NEDD4: variants seen among roughly 807,000 people sequenced by gnomAD.
The protein encoded by NEDD4 is NEDD4 E3 ubiquitin protein ligase.
Under a neutral mutation model 144.9 loss-of-function variants are expected in NEDD4, and 99 were observed. The observed-to-expected ratio is 0.68, with a 90% CI of 0.58 to 0.81. The LOEUF is 0.81. Ranked by LOEUF, NEDD4 falls within the 30% of genes least tolerant of loss-of-function variation. The pLI is 0.00. For synonymous variants in NEDD4, 318 were observed against 350.6 expected (o/e 0.91, Z 1.04); for missense variants, 985 against 1,065.9 (o/e 0.92, Z 1.06).
rs2034022766 is a variant in NEDD4, at chr15:55,852,461, T to C, written c.1109A>G (p.Asn370Ser). The change falls in exon 13 of 29, where the codon AAT (asparagine) becomes AGT (serine). Residue 370 changes from asparagine to serine, a missense_variant. By Grantham distance (46) the Asn-to-Ser change is conservative. Coordinates refer to ENST00000435532, the MANE Select transcript of NEDD4 (RefSeq NM_006154.4). ...CTTTGTCCAAGTAGTCGTTCTGGAA[T>C]TGTGATCTACATAATATGATCTTCC... Reference protein sequence around the residue: ...ERGRSYYVDHNSRTTTWTKPT... With the variant: ...ERGRSYYVDHSSRTTTWTKPT... The C allele has an allele frequency of 1.2e-6, 2 of 1,612,822 alleles. No homozygotes were observed. The highest frequency in any genetic ancestry group is 2.7e-5 in the African/African-American group (2 of 74,810).
At chr15:55,928,858 G>C (rs1321458643) in intron 4 of NEDD4, among the ~76,000 whole-genome samples, 1 of 152,072 alleles carries the variant, frequency 6.6e-6, no homozygotes. Context: ...TTGTATTTCA[G>C]AAGCATATAA....
intron 18 of NEDD4, 102 bp from the exon 19 acceptor site, chr15:55,842,265 G>A (rs2033548669): frequency 1.1e-6 from 1 of 950,508 alleles, no homozygotes; most frequent in Non-Finnish European, 1.6e-6. Flanking sequence ...CTGTGTCCAA[G>A]TCTCTTTTTC....
At chr15:55,963,252 C>A (rs569657335) in intron 2 of NEDD4, among the ~76,000 whole-genome samples, 2 of 151,936 alleles carry the variant, frequency 1.3e-5, no homozygotes, top group African/African-American at 4.8e-5. Flanking sequence ...CAACCTCAGC[C>A]TCCTTTGTAG....
intron 18 of NEDD4, among the ~76,000 whole-genome samples, chr15:55,846,470 G>C (rs1336283907): frequency 6.6e-6 from 1 of 152,140 alleles, no homozygotes; most frequent in Non-Finnish European, 1.5e-5. Flanking sequence ...TAACTGATAA[G>C]CATAAGGAGA....
chr15:55,889,955 G>C (rs942473452), intron 5 of NEDD4, among the ~76,000 whole-genome samples: 5 of 151,880 alleles, frequency 3.3e-5, no homozygotes, highest in Non-Finnish European at 5.9e-5. Flanking sequence ...TGCCCACATC[G>C]GCCTCCCAAA....
chr15:55,943,347 C>A lies in NEDD4; in HGVS notation c.237+8029G>T, dbSNP rs182896219. Among the ~76,000 whole-genome samples, 6 of 152,288 alleles carry A rather than the reference C, an allele frequency of 3.9e-5. No homozygotes were observed. In the East Asian group the frequency reaches 1.2e-3, roughly 29 times the overall value. On this transcript the variant is annotated intron_variant, in intron 4 of 28. Coordinates refer to ENST00000435532, the MANE Select transcript of NEDD4 (RefSeq NM_006154.4). ...GAATGCATTTTAGAGATCTTTGTGG[C>A]AGCTCCTCCTATCACAGCCCCAGAG... is the stretch of plus-strand genomic sequence containing the variant.
intron 12 of NEDD4, among the ~76,000 whole-genome samples, chr15:55,855,638 A>C (rs1266880687): frequency 1.2e-4 from 18 of 152,222 alleles, no homozygotes; most frequent in Admixed American, 1.2e-3. Flanking sequence ...AGGAAGCAGA[A>C]GGCCTTAGTA....
At chr15:55,853,444 G>A (rs2034072204) in intron 12 of NEDD4, among the ~76,000 whole-genome samples, 2 of 152,170 alleles carry the variant, frequency 1.3e-5, no homozygotes, top group Admixed American at 6.5e-5. Flanking sequence ...CAATATGGAA[G>A]TAACTTGTTA....
intron 24 of NEDD4, 122 bp from the exon 25 acceptor site, chr15:55,834,408 C>A: frequency 1.6e-6 from 1 of 636,824 alleles, no homozygotes; most frequent in South Asian, 1.9e-5. Flanking sequence ...TACACAATCA[C>A]GGGCTCTTCA....
At chr15:55,929,173 T>C (rs2036733382) in intron 4 of NEDD4, among the ~76,000 whole-genome samples, 1 of 152,142 alleles carries the variant, frequency 6.6e-6, no homozygotes, top group South Asian at 2.1e-4. Flanking sequence ...GCAACTGCCC[T>C]AATGACAGAA....
At chr15:55,972,001 T>C (rs1210245430) in intron 1 of NEDD4, among the ~76,000 whole-genome samples, 15 of 152,194 alleles carry the variant, frequency 9.9e-5, no homozygotes, top group African/African-American at 3.1e-4. Flanking sequence ...AAAAAATTTT[T>C]ATTGTAGAAT....
intron 5 of NEDD4, among the ~76,000 whole-genome samples, chr15:55,898,302 G>A (rs1214384635): frequency 6.6e-6 from 1 of 152,144 alleles, no homozygotes; most frequent in Non-Finnish European, 1.5e-5. Context: ...ATTTTCAAAG[G>A]TAAATGAATC....
chr15:55,977,470 G>A (rs531071827), intron 1 of NEDD4, among the ~76,000 whole-genome samples: 7 of 152,212 alleles, frequency 4.6e-5, no homozygotes, highest in African/African-American at 1.2e-4. Context: ...GAATGTATCC[G>A]TTGTTAAGCA....
chr15:55,973,602 A>G (rs533994748), intron 1 of NEDD4, among the ~76,000 whole-genome samples: 1 of 151,614 alleles, frequency 6.6e-6, no homozygotes, highest in African/African-American at 2.4e-5. Context: ...ACAGAATAAC[A>G]CTAGAAATCA....
intron 2 of NEDD4, among the ~76,000 whole-genome samples, chr15:55,965,689 T>C (rs1216889478): frequency 6.6e-6 from 1 of 152,028 alleles, no homozygotes. Context: ...TATGTATGTA[T>C]GCATGCATGT....
At chr15:55,962,130 A>C (rs949199850) in intron 2 of NEDD4, among the ~76,000 whole-genome samples, 4 of 152,136 alleles carry the variant, frequency 2.6e-5, no homozygotes, top group Non-Finnish European at 5.9e-5. Flanking sequence ...ATTCTTTATC[A>C]TCATGAAATG....
At chr15:55,868,371 G>A (rs1211980313) in intron 8 of NEDD4, among the ~76,000 whole-genome samples, 1 of 152,190 alleles carries the variant, frequency 6.6e-6, no homozygotes, top group African/African-American at 2.4e-5. Flanking sequence ...AGTAACTGCT[G>A]TTAATATGGT....
chr15:55,883,695 AAACACACAC>A (rs1566931363), intron 5 of NEDD4, among the ~76,000 whole-genome samples: 45 of 122,306 alleles, frequency 3.7e-4, no homozygotes, highest in Admixed American at 1.6e-3. Flanking sequence ...ACACACACAC[AAACACACAC>A]ACACACACAC....
At position 55,827,017 on chromosome 15, in the gene NEDD4, T is replaced by A. The variant is rs1173292276; in HGVS notation, c.*2880A>T. The A allele has an allele frequency of 6.6e-6, 1 of 152,188 alleles. No individual in the cohort carries two copies. The highest frequency in any genetic ancestry group is 2.4e-5 in the African/African-American group (1 of 41,444). The allele number at this position is 152,188 out of a possible 1,614,324, so 9.4% of individuals were successfully genotyped here. A position where few individuals can be genotyped will look rare whatever the true frequency, so the allele number is the denominator to read the frequency against. On this transcript the variant is annotated 3_prime_UTR_variant, in exon 29 of 29. Coordinates refer to ENST00000435532, the MANE Select transcript of NEDD4 (RefSeq NM_006154.4). ...AAAGTGTGCAATAAATTTTGATACA[T>A]CAATCTTGATATATATATTTACTGT...
Sources: gnomAD v4.1 joint callset for allele counts (sites outside exome capture counted in the v4.1 genomes callset) on GRCh38, gnomAD v4.1.1 for gene constraint, MANE v1.5 for transcripts, NCBI Gene and HGNC (gene_info 2026-07-23, HGNC 2026-07-21) for gene names.